The following PROZ variants were observed in gnomAD, a reference collection of about 807,000 sequenced individuals.
The protein encoded by PROZ is vitamin K-dependent protein Z.
A neutral mutation model predicts 34.9 loss-of-function variants in PROZ; 46 were observed. That is an observed-to-expected ratio of 1.32 (90% CI 1.04 to 1.69). The LOEUF (loss-of-function observed/expected upper bound fraction) is 1.69, where lower values mean the gene tolerates loss of function less well. Among genes scored for constraint, PROZ ranks in the 40% most tolerant of loss-of-function variants. The pLI is 0.00. For missense variants in PROZ, 530 were observed against 520.4 expected, an observed-to-expected ratio of 1.02 and a Z score of -0.18; for synonymous variants, 195 against 208.5, an observed-to-expected ratio of 0.94 and a Z score of 0.56.
intron 2 of PROZ, among the ~76,000 whole-genome samples, chr13:113,160,535 C>A (rs2036742047): frequency 6.6e-6 from 1 of 152,180 alleles, no homozygotes; most frequent in African/African-American, 2.4e-5. Flanking sequence ...GTCCCCACTC[C>A]CTACAGAGGT....
intron 6 of PROZ, 93 bp from the exon 7 acceptor site, chr13:113,170,312 TGGGGGTGG>T: frequency 3.6e-6 from 2 of 549,038 alleles, no homozygotes; most frequent in African/African-American, 5.9e-5. Flanking sequence ...GGGGTGGGGG[TGGGGGTGG>T]GGGGGTGGTC....
rs1483364765 is a variant in PROZ, at chr13:113,171,621, T to A, written c.719T>A (p.Leu240Gln). The stretch of plus-strand genomic sequence containing the variant: ...TTTAACAGAACGAGCCAAGACCCGC[T>A]GATGATCAAGATAACGCACGTCCAT... Reference protein sequence around the residue: ...TYFNRTSQDPLMIKITHVHVH... With the variant: ...TYFNRTSQDPQMIKITHVHVH... Residue 240 changes from leucine to glutamine, a missense_variant, in exon 8 of 8, where the codon CTG (leucine) becomes CAG (glutamine). Transcript: ENST00000375547. The surrounding 1 kb of genome is among the most constrained non-coding windows in gnomAD (Gnocchi z 5.1). 1 of 1,614,114 alleles carries A rather than the reference T, an allele frequency of 6.2e-7. No individual in the cohort carries two copies. Among genetic ancestry groups the A allele is most frequent in the Non-Finnish European group, 8.5e-7 (1 of 1,180,020 alleles).
At chr13:113,170,251 A>AG (rs146128282) in intron 6 of PROZ, among the ~76,000 whole-genome samples, 162 bp from the exon 7 acceptor site, 1,529 of 127,302 alleles carry the variant, frequency 0.012, 24 homozygotes, top group Middle Eastern at 0.045. Flanking sequence ...ACAATCCTGT[A>AG]CCATTTGAGT....
chr13:113,162,901 C>CCCCCCCCTG, intron 3 of PROZ, 108 bp from the exon 4 acceptor site: 1 of 560,506 alleles, frequency 1.8e-6, no homozygotes, highest in South Asian at 1.8e-5. Flanking sequence ...ACCCCCCACT[C>CCCCCCCCTG]CATCCTCCTC....
intron 6 of PROZ, 129 bp downstream of exon 6, chr13:113,165,249 T>C (rs769703340): frequency 2.3e-5 from 20 of 877,418 alleles, no homozygotes; most frequent in African/African-American, 3.3e-5. Context: ...CTGACTGCAC[T>C]GACCAACCTC....
chr13:113,160,021 C>T lies in PROZ; in HGVS notation c.78C>T (p.Leu26=). 1.9e-6 allele frequency: 3 copies of T among 1,614,060 alleles called. No individual in the cohort carries two copies. The highest frequency in any genetic ancestry group is 2.2e-5 in the East Asian group (1 of 44,890). The part of the protein sequence containing the change: ...ALHRVEPSVF[L]PASKANDVLV... The stretch of plus-strand genomic sequence containing the variant: ...TTCTTGTCTCGTCTGTAGTATTTCT[C>T]CCGGCCTCCAAAGCAAACGACGTTC... The change falls in exon 2 of 8, where the codon CTC becomes CTT. Residue 26 remains leucine (L), a synonymous_variant. Coordinates refer to ENST00000375547, the MANE Select transcript of PROZ (RefSeq NM_003891.3).
intron 3 of PROZ, among the ~76,000 whole-genome samples, chr13:113,162,793 C>T (rs76845369): frequency 6.9e-6 from 1 of 145,440 alleles, no homozygotes; most frequent in African/African-American, 2.6e-5. Context: ...GCTCAGGTCC[C>T]CGTCCCTGCT....
At chr13:113,167,848 G>A (rs1276112089) in intron 6 of PROZ, among the ~76,000 whole-genome samples, 1 of 151,972 alleles carries the variant, frequency 6.6e-6, no homozygotes, top group African/African-American at 2.4e-5. Flanking sequence ...TTTCTTATCT[G>A]TTCTTTTCCC....
rs368222737 is a variant in PROZ at position 113,160,006 on chromosome 13, G to A, written c.71-8G>A. 5.4e-5 allele frequency: 87 copies of A among 1,613,668 alleles called. No individual in the cohort carries two copies. Among genetic ancestry groups the A allele is most frequent in the Admixed American group, 2.0e-4 (12 of 60,004 alleles). On this transcript the variant is annotated splice_region_variant and splice_polypyrimidine_tract_variant and intron_variant, in intron 1 of 7. Transcript: ENST00000375547. ...TCCCAGTCACCTGCCTTCTTGTCTC[G>A]TCTGTAGTATTTCTCCCGGCCTCCA...
chr13:113,167,133 T>C (rs1462580325), intron 6 of PROZ, among the ~76,000 whole-genome samples: 1 of 152,238 alleles, frequency 6.6e-6, no homozygotes, highest in Admixed American at 6.5e-5. Context: ...TTGAAGATTA[T>C]CTTTAGAACT....
At chr13:113,160,863 T>C in intron 2 of PROZ, 85 bp from the exon 3 acceptor site, 1 of 1,233,032 alleles carries the variant, frequency 8.1e-7, no homozygotes, top group Non-Finnish European at 1.2e-6. Flanking sequence ...AAATCAACAT[T>C]TTCTTACCTT....
rs763135959 is a variant in PROZ, at chr13:113,170,564, C to T, written c.691+34C>T. 75 of 1,255,004 alleles carry T rather than the reference C, an allele frequency of 6.0e-5. 4 individuals carry two copies. In the South Asian group the frequency reaches 8.7e-4, roughly 15 times the overall value. 77.7% of individuals were successfully genotyped at this position (1,255,004 alleles called of 1,614,324 possible). ...TTTATCATGAGTTTTTATAAAACCA[C>T]ATTGGAAATACACTATCCTATGTAA... On this transcript the variant is annotated intron_variant, in intron 7 of 7. Coordinates refer to ENST00000375547, the MANE Select transcript of PROZ (RefSeq NM_003891.3).
rs778096484 is a variant in PROZ at position 113,160,980 on chromosome 13, G to T, written c.259+8G>T. 2.5e-6 allele frequency: 4 copies of T among 1,605,886 alleles called. No homozygotes were observed. The highest frequency in any genetic ancestry group is 3.4e-6 in the Non-Finnish European group (4 of 1,173,300). Reference sequence around the variant, plus strand: ...TCTGGAGACGATATAAGGGTAAGTGGTTTCCTTCGTCTCCTCAGAAGTATT... The same window carrying T: ...TCTGGAGACGATATAAGGGTAAGTGTTTTCCTTCGTCTCCTCAGAAGTATT... On this transcript the variant is annotated splice_region_variant and intron_variant, in intron 3 of 7. Transcript: ENST00000375547.
intron 5 of PROZ, 53 bp from the exon 6 acceptor site, chr13:113,165,000 T>C (rs2036881311): frequency 1.1e-5 from 17 of 1,538,712 alleles, no homozygotes; most frequent in Non-Finnish European, 1.5e-5. Context: ...CAGAGTCCGA[T>C]ATTCGCTGAG....
In PROZ at chr13:113,164,503, T is replaced by TTC. The variant is rs150762485; in HGVS notation, c.374-10_374-9insTC. ...AAGCTAGCATTTCCTTTTTTTTTTT[T>TTC]CCTTTTCAGCTAAAAATGAATGTCA... On this transcript the variant is annotated splice_polypyrimidine_tract_variant and intron_variant, in intron 4 of 7. Transcript: ENST00000375547. 33,633 of 1,294,852 alleles carry TTC rather than the reference T, an allele frequency of 0.026. 16 individuals carry two copies. The highest frequency in any genetic ancestry group is 0.031 in the Non-Finnish European group (28,102 of 916,870). The allele number at this position is 1,294,852 out of a possible 1,614,324, so 80.2% of individuals were successfully genotyped here. A position where few individuals can be genotyped will look rare whatever the true frequency, so the allele number is the denominator to read the frequency against.
intron 6 of PROZ, 170 bp downstream of exon 6, chr13:113,165,290 G>A (rs2036893615): frequency 2.3e-5 from 16 of 709,764 alleles, no homozygotes; most frequent in Middle Eastern, 3.6e-4. Flanking sequence ...TTCTAATGCC[G>A]AGTTCATAAC....
chr13:113,171,741 T>C lies in PROZ; in HGVS notation c.839T>C (p.Val280Ala). The C allele has an allele frequency of 6.2e-7, 1 of 1,612,174 alleles. No homozygotes were observed. Among genetic ancestry groups the C allele is most frequent in the Non-Finnish European group, 8.5e-7 (1 of 1,178,694 alleles). Residue 280 changes from valine to alanine, a missense_variant, in exon 8 of 8, where the codon GTG becomes GCG. Coordinates refer to ENST00000375547, the MANE Select transcript of PROZ (RefSeq NM_003891.3). This position sits in a 1 kb window ranked among gnomAD's most constrained non-coding sequence, Gnocchi z 5.1. ...CAGTGCCCAGGTGCGGGGCTCCCCG[T>C]GTGCACCCCTGAGAAAGACTTCGCT... ...PIQCPGAGLP[V>A]CTPEKDFAEH...
chr13:113,170,530 T>C lies in PROZ; in HGVS notation c.691T>C (p.Tyr231His), dbSNP rs1304304111. 6 of 1,522,628 alleles carry C rather than the reference T, an allele frequency of 3.9e-6. No homozygotes were observed. Among genetic ancestry groups the C allele is most frequent in the Non-Finnish European group, 5.5e-6 (6 of 1,097,126 alleles). 94.3% of individuals were successfully genotyped at this position (1,522,628 alleles called of 1,614,324 possible). ...ACACAGGAATATTACTGTAAAAACA[T>C]GTAAGTATTTTATCATGAGTTTTTA... Reference protein sequence around the residue: ...LLHRNITVKTYFNRTSQDPLM... With the variant: ...LLHRNITVKTHFNRTSQDPLM... Residue 231 changes from tyrosine (Y) to histidine (H), a missense_variant and splice_region_variant, in exon 7 of 8, where the codon TAT becomes CAT. Physicochemically the swap from Tyr to His is moderately conservative, Grantham distance 83. Coordinates refer to ENST00000375547, the MANE Select transcript of PROZ (RefSeq NM_003891.3).
chr13:113,164,040 G>C (rs1199956864), intron 4 of PROZ, among the ~76,000 whole-genome samples: 2 of 150,492 alleles, frequency 1.3e-5, no homozygotes, highest in African/African-American at 4.9e-5. Context: ...GTGCAGTGAC[G>C]CGATGTCAGC....
Sources: allele counts gnomAD v4.1 joint callset (sites outside exome capture counted in the v4.1 genomes callset), GRCh38; gene constraint gnomAD v4.1.1; non-coding constraint Gnocchi (gnomAD v3.1); transcripts MANE v1.5; gene names NCBI Gene and HGNC (gene_info 2026-07-23, HGNC 2026-07-21).